The following CELF2 variants were observed in gnomAD, a reference collection of about 807,000 sequenced individuals.
The protein encoded by CELF2 is CUG triplet repeat RNA-binding protein 2.
A neutral mutation model predicts 62.6 loss-of-function variants in CELF2; 8 were observed. The observed-to-expected ratio is 0.13, with a 90% CI of 0.07 to 0.23. The LOEUF (loss-of-function observed/expected upper bound fraction) is 0.23. CELF2 is among the 10% of genes least tolerant of loss of function. CELF2 has a pLI of 1.00. For synonymous variants in CELF2, 258 were observed against 250.0 expected, an observed-to-expected ratio of 1.03 and a Z score of -0.30; for missense variants, 333 against 671.0, an observed-to-expected ratio of 0.50 and a Z score of 5.56.
rs1343513530 is a variant in CELF2 at position 11,191,907 on chromosome 10, G to A, written c.272-25518G>A. 1.3e-5 allele frequency among the ~76,000 whole-genome samples: 2 copies of A among 151,932 alleles called. No individual in the cohort carries two copies. Among genetic ancestry groups the A allele is most frequent in the African/African-American group, 4.8e-5 (2 of 41,400 alleles). ...CCCTGCCCTCCCATGCAGAGGCCCC[G>A]CCCTGTGTCCACTCTACTTCTTAGG... On this transcript the variant is annotated intron_variant, in intron 2 of 12. Coordinates refer to ENST00000633077, the MANE Select transcript of CELF2 (RefSeq NM_001326342.2). This position sits in a 1 kb window ranked among gnomAD's most constrained non-coding sequence, Gnocchi z 4.1.
chr10:10,709,798 G>A, the CELF2 span, among the ~76,000 whole-genome samples: 8 of 152,072 alleles, frequency 5.3e-5, no homozygotes, highest in African/African-American at 1.7e-4. Context: ...TTAAAAATCC[G>A]GCACTCAGTT....
intron 5 of CELF2, among the ~76,000 whole-genome samples, chr10:11,259,324 A>C (rs1352956277): frequency 1.3e-5 from 2 of 152,102 alleles, no homozygotes; most frequent in African/African-American, 4.8e-5. Flanking sequence ...GTTCCCACCT[A>C]CAACCACCTC....
chr10:11,314,395 G>A lies in CELF2; in HGVS notation c.1096+137G>A. 9.1e-7 allele frequency: 1 copy of A among 1,101,980 alleles called. No individual in the cohort carries two copies. The highest frequency in any genetic ancestry group is 1.4e-6 in the Non-Finnish European group (1 of 734,606). 68.3% of individuals were successfully genotyped at this position (1,101,980 alleles called of 1,614,324 possible). On this transcript the variant is annotated intron_variant, in intron 10 of 12. Coordinates refer to ENST00000633077, the MANE Select transcript of CELF2 (RefSeq NM_001326342.2). The surrounding 1 kb of genome is among the most constrained non-coding windows in gnomAD (Gnocchi z 5.3). ...TAAAACTTGGGATGGAGGAGCACATGCTTTGATAGGCAAAAGCTGTCTACA... is the reference window on the plus strand; with the variant it reads ...TAAAACTTGGGATGGAGGAGCACATACTTTGATAGGCAAAAGCTGTCTACA...
intron 1 of CELF2, among the ~76,000 whole-genome samples, chr10:11,114,850 A>T (rs1407182156): frequency 1.6e-4 from 24 of 152,230 alleles, no homozygotes; most frequent in Non-Finnish European, 1.3e-4. Context: ...GATCAACCAA[A>T]ACATACAACT....
intron 8 of CELF2, 133 bp from the exon 9 acceptor site, chr10:11,288,285 C>T: frequency 9.2e-7 from 1 of 1,092,796 alleles, no homozygotes. Context: ...CCAGCTCCCA[C>T]CCAGGCAGGT....
intron 1 of CELF2, among the ~76,000 whole-genome samples, chr10:11,054,355 A>G (rs2064676112): frequency 1.3e-5 from 2 of 152,168 alleles, no homozygotes; most frequent in Non-Finnish European, 2.9e-5. Context: ...GTTGATATTT[A>G]TGGCAATGGT....
the CELF2 span, among the ~76,000 whole-genome samples, chr10:10,676,066 A>T: frequency 6.6e-6 from 1 of 152,134 alleles, no homozygotes; most frequent in Non-Finnish European, 1.5e-5. Flanking sequence ...TGCTGGTGGT[A>T]GGCTTTAATA....
At chr10:10,483,482 C>T in the CELF2 span, among the ~76,000 whole-genome samples, 3 of 152,186 alleles carry the variant, frequency 2.0e-5, no homozygotes, top group Admixed American at 1.3e-4. Context: ...ATGCACAAAC[C>T]GAAGGGTGGG....
At chr10:11,308,898 A>G (rs1565909307) in intron 9 of CELF2, among the ~76,000 whole-genome samples, 1 of 152,246 alleles carries the variant, frequency 6.6e-6, no homozygotes, top group Non-Finnish European at 1.5e-5. Context: ...ACTTGCATGT[A>G]CTGTGTTGAT....
chr10:10,590,485 A>G, the CELF2 span, among the ~76,000 whole-genome samples: 10 of 152,198 alleles, frequency 6.6e-5, no homozygotes, highest in Non-Finnish European at 1.5e-4. Context: ...TCAGTCCCAA[A>G]TTGAGAGTAA....
chr10:11,206,838 CAAAG>C (rs1194469289), intron 2 of CELF2, among the ~76,000 whole-genome samples: 2 of 152,216 alleles, frequency 1.3e-5, no homozygotes, highest in Admixed American at 6.5e-5. Context: ...TTTTCTCTAA[CAAAG>C]AAGACTCCTT....
At chr10:10,512,572 C>T in the CELF2 span, among the ~76,000 whole-genome samples, 7 of 150,374 alleles carry the variant, frequency 4.7e-5, no homozygotes, top group South Asian at 2.2e-4. Context: ...CCACCAGGCC[C>T]GGCTAACTTT....
chr10:10,671,873 G>T, the CELF2 span, among the ~76,000 whole-genome samples: 2 of 152,040 alleles, frequency 1.3e-5, no homozygotes, highest in Admixed American at 6.5e-5. Flanking sequence ...GGGATTACAG[G>T]CATACGCTGC....
chr10:10,939,430 CAT>C (rs1199172429), intron 2 of CELF2, among the ~76,000 whole-genome samples: 2 of 151,950 alleles, frequency 1.3e-5, no homozygotes, highest in Admixed American at 1.3e-4. Flanking sequence ...GGATTATAGG[CAT>C]AAGCCACCAC....
the CELF2 span, among the ~76,000 whole-genome samples, chr10:10,648,770 G>A: frequency 0.16 from 24,603 of 152,154 alleles, 2,129 homozygotes; most frequent in South Asian, 0.24. Context: ...CCAGCAGCCC[G>A]AAGGAAGACA....
chr10:11,238,762 A>G (rs1312561522), intron 3 of CELF2, among the ~76,000 whole-genome samples: 2 of 152,162 alleles, frequency 1.3e-5, no homozygotes, highest in Non-Finnish European at 2.9e-5. Flanking sequence ...AAAGATTGCC[A>G]TTTTTTTGAG....
the CELF2 span, among the ~76,000 whole-genome samples, chr10:10,515,253 A>G: frequency 2.0e-5 from 3 of 152,324 alleles, no homozygotes; most frequent in Admixed American, 2.0e-4. Flanking sequence ...CTGTATGTGT[A>G]ATGAAGCCAG....
chr10:11,205,922 T>G (rs1024704332), intron 2 of CELF2, among the ~76,000 whole-genome samples: 6 of 152,226 alleles, frequency 3.9e-5, no homozygotes, highest in African/African-American at 1.4e-4. Flanking sequence ...TACTTCAGCC[T>G]AGCCTTGGAT....
chr10:10,898,557 T>C (rs1210567956), intron 1 of CELF2, among the ~76,000 whole-genome samples: 1 of 152,228 alleles, frequency 6.6e-6, no homozygotes, highest in Non-Finnish European at 1.5e-5. Flanking sequence ...AATGGTCAGT[T>C]TATCAGCTAA....
Sources: allele counts gnomAD v4.1 joint callset (sites outside exome capture counted in the v4.1 genomes callset), GRCh38; gene constraint gnomAD v4.1.1; non-coding constraint Gnocchi (gnomAD v3.1); transcripts MANE v1.5; gene names NCBI Gene and HGNC (gene_info 2026-07-23, HGNC 2026-07-21).